Variants in PTPRD observed in about 807,000 individuals in gnomAD.
The protein encoded by PTPRD is protein tyrosine phosphatase receptor type D, also known as receptor-type tyrosine-protein phosphatase delta.
A neutral mutation model predicts 214.5 loss-of-function variants in PTPRD; 34 were observed. That is an observed-to-expected ratio of 0.16 (90% confidence interval 0.12 to 0.21). PTPRD has a LOEUF of 0.21. Ranked by LOEUF, PTPRD falls within the 10% of genes least tolerant of loss-of-function variation. PTPRD has a pLI of 1.00. For synonymous variants in PTPRD, 1,128 were observed against 845.7 expected (o/e 1.33, Z -5.79); for missense variants, 2,545 against 2,398.7 (o/e 1.06, Z -1.27).
intron 7 of PTPRD, among the ~76,000 whole-genome samples, chr9:9,644,173 G>C (rs1485758413): frequency 6.6e-6 from 1 of 152,154 alleles, no homozygotes; most frequent in African/African-American, 2.4e-5. Context: ...CTTTGTGACA[G>C]TAGCAGCAAG....
At chr9:9,445,281 C>T (rs1192159119) in intron 8 of PTPRD, among the ~76,000 whole-genome samples, 1 of 152,146 alleles carries the variant, frequency 6.6e-6, no homozygotes, top group Non-Finnish European at 1.5e-5. Context: ...TTTATCCCTG[C>T]AAATGGACAA....
At chr9:8,485,722 A>G (rs907259083) in intron 28 of PTPRD, 40 bp downstream of exon 28, 1 of 1,508,974 alleles carries the variant, frequency 6.6e-7, no homozygotes, top group Non-Finnish European at 9.0e-7. Flanking sequence ...AAGACTGACA[A>G]TCCTTTAAAG....
intron 4 of PTPRD, among the ~76,000 whole-genome samples, chr9:9,970,410 C>CTCAAAAAAAAAAAAGAAAAA (rs1442788017): frequency 0.017 from 2,226 of 133,462 alleles, 28 homozygotes; most frequent in Non-Finnish European, 0.027. Flanking sequence ...AGAGCCTGGG[C>CTCAAAAAAAAAAAAGAAAAA]GACAGCGAGA....
chr9:9,167,002 G>C lies in PTPRD; in HGVS notation c.-143+16302C>G, dbSNP rs1290197389. On this transcript the variant is annotated intron_variant, in intron 10 of 45. Coordinates refer to ENST00000381196, the MANE Select transcript of PTPRD (RefSeq NM_002839.4). ...GTAAGTATTAAGTACTGTGTGCACA[G>C]TACTAAGTCTTATCTTAATCATTTC... Among the ~76,000 whole-genome samples the C allele has an allele frequency of 3.4e-5, 5 of 147,480 alleles. No homozygotes were observed. In the South Asian group the frequency reaches 1.1e-3, roughly 32 times the overall value.
At chr9:9,979,113 G>C (rs533098164) in intron 4 of PTPRD, among the ~76,000 whole-genome samples, 205 of 152,058 alleles carry the variant, frequency 1.3e-3, no homozygotes, top group Non-Finnish European at 2.4e-3. Flanking sequence ...TAGCACACTT[G>C]TACTATGAGA....
chr9:8,523,098 G>C (rs940992691), intron 19 of PTPRD, among the ~76,000 whole-genome samples: 9 of 151,956 alleles, frequency 5.9e-5, no homozygotes, highest in African/African-American at 1.2e-4. Context: ...AGGTATCAAA[G>C]AACATATCAA....
At chr9:9,110,033 G>T (rs996570837) in intron 10 of PTPRD, among the ~76,000 whole-genome samples, 1 of 152,116 alleles carries the variant, frequency 6.6e-6, no homozygotes, top group Non-Finnish European at 1.5e-5. Context: ...CACTACAGAA[G>T]TCAAGGCTTA....
chr9:10,148,425 G>A (rs1564132230), intron 3 of PTPRD, among the ~76,000 whole-genome samples: 1 of 152,056 alleles, frequency 6.6e-6, no homozygotes, highest in South Asian at 2.1e-4. Context: ...TAGAAAATGA[G>A]TACAATGAAA....
intron 9 of PTPRD, among the ~76,000 whole-genome samples, chr9:9,334,398 A>G (rs888606486): frequency 6.6e-6 from 1 of 152,146 alleles, no homozygotes; most frequent in East Asian, 1.9e-4. Flanking sequence ...TAAAAGTTCT[A>G]GTTTAATGTG....
chr9:8,763,192 T>C (rs1401572530), intron 11 of PTPRD, among the ~76,000 whole-genome samples: 1 of 152,154 alleles, frequency 6.6e-6, no homozygotes. Context: ...CTTGAGACAG[T>C]AGAGCAGACT....
chr9:8,788,173 T>C (rs1474648517), intron 11 of PTPRD, among the ~76,000 whole-genome samples: 13 of 151,332 alleles, frequency 8.6e-5, no homozygotes, highest in Admixed American at 8.6e-4. Context: ...ACAACTAAAT[T>C]AAGAAAGCAA....
At chr9:9,801,002 T>G (rs2099036092) in intron 5 of PTPRD, among the ~76,000 whole-genome samples, 1 of 152,160 alleles carries the variant, frequency 6.6e-6, no homozygotes, top group Non-Finnish European at 1.5e-5. Context: ...AGAATGTATT[T>G]AAATAAGAAA....
chr9:9,097,179 T>C (rs1048864000), intron 10 of PTPRD, among the ~76,000 whole-genome samples: 2 of 152,116 alleles, frequency 1.3e-5, no homozygotes, highest in African/African-American at 2.4e-5. Flanking sequence ...CTCTTCTGAT[T>C]TGCAAGCATA....
intron 3 of PTPRD, among the ~76,000 whole-genome samples, chr9:10,274,198 A>C (rs915630188): frequency 1.3e-5 from 2 of 152,186 alleles, no homozygotes; most frequent in African/African-American, 4.8e-5. Flanking sequence ...AAGCCATATG[A>C]AAACTGGATC....
rs142604474 is a variant in PTPRD at position 10,184,532 on chromosome 9, G to A, written c.-544-150742C>T. Among the ~76,000 whole-genome samples the A allele has an allele frequency of 4.3e-3, 660 of 152,284 alleles. 1 individual carries two copies. Among genetic ancestry groups the A allele is most frequent in the Non-Finnish European group, 7.2e-3 (492 of 68,034 alleles). On this transcript the variant is annotated intron_variant, in intron 3 of 45. Transcript: ENST00000381196. ...ATGGATCTGTGAATCCCCAGCCCTA[G>A]CACAATGCATAGAATATAGTATGTG...
intron 20 of PTPRD, among the ~76,000 whole-genome samples, chr9:8,518,851 C>A (rs537813326): frequency 6.7e-6 from 1 of 149,662 alleles, no homozygotes; most frequent in African/African-American, 2.5e-5. Flanking sequence ...TAGAATGTAA[C>A]TGGAACCCAC....
chr9:10,329,867 G>A (rs188918166), intron 3 of PTPRD, among the ~76,000 whole-genome samples: 1 of 151,826 alleles, frequency 6.6e-6, no homozygotes, highest in Admixed American at 6.6e-5. Context: ...TGATGCGCAT[G>A]GCATAGTCTG....
rs1187908591 is a variant in PTPRD at position 9,947,425 on chromosome 9, T to TTA, written c.-471-8817_-471-8816dup. Among the ~76,000 whole-genome samples the TTA allele has an allele frequency of 9.1e-5, 3 of 32,844 alleles. 1 individual carries two copies. The highest frequency in any genetic ancestry group is 1.3e-4 in the Non-Finnish European group (3 of 23,204). The allele number at this position is 32,844 out of a possible 152,430, so 21.5% of individuals were successfully genotyped here. On this transcript the variant is annotated intron_variant, in intron 4 of 45. Transcript: ENST00000381196. ...ATATAATATATATTTTATATATATA[T>TTA]TATATATATATTATATATTTTATAT...
chr9:9,177,939 C>G (rs1388979677), intron 10 of PTPRD, among the ~76,000 whole-genome samples: 1 of 152,008 alleles, frequency 6.6e-6, no homozygotes, highest in Non-Finnish European at 1.5e-5. Flanking sequence ...TTGTAGGCAT[C>G]AATTTGAAAC....
Sources: gnomAD v4.1 joint callset for allele counts (sites outside exome capture counted in the v4.1 genomes callset) on GRCh38, gnomAD v4.1.1 for gene constraint, MANE v1.5 for transcripts, NCBI Gene and HGNC (gene_info 2026-07-23, HGNC 2026-07-21) for gene names.